The following AMH variants were observed in gnomAD, a reference collection of about 807,000 sequenced individuals.
AMH encodes anti-Mullerian hormone, also known as anti-Muellerian hormone.
AMH carries 39 observed loss-of-function variants against 33.3 expected under a neutral mutation model. That is an observed-to-expected ratio of 1.17 (90% CI 0.91 to 1.53). AMH has a LOEUF of 1.53. Ranked by LOEUF, AMH falls within the 40% of genes most tolerant of loss-of-function variation. The pLI is 0.00. For synonymous variants in AMH, 536 were observed against 403.0 expected (o/e 1.33, Z -3.95); for missense variants, 1,019 against 799.8 (o/e 1.27, Z -3.30).
Position 2,250,478 on chromosome 19 carries a change from A to G in AMH, c.554A>G (p.Gln185Arg). 1 of 1,548,110 alleles carries G rather than the reference A, an allele frequency of 6.5e-7. No individual in the cohort carries two copies. Among genetic ancestry groups the G allele is most frequent in the Non-Finnish European group, 8.7e-7 (1 of 1,147,188 alleles). The change falls in exon 2 of 5, where the codon CAG (glutamine) becomes CGG (arginine). Residue 185 changes from glutamine to arginine, a missense_variant and splice_region_variant. Coordinates refer to ENST00000221496, the MANE Select transcript of AMH (RefSeq NM_000479.5). Reference sequence around the variant, plus strand: ...ACGAGGGCTGGGCTGCCGGGTGCCCAGGTACCAGGGAGTTGCATGGGGCAG... The same window carrying G: ...ACGAGGGCTGGGCTGCCGGGTGCCCGGGTACCAGGGAGTTGCATGGGGCAG... ...TVTRAGLPGA[Q>R]SLCPSRDTRY...
Position 2,250,661 on chromosome 19 carries a change from C to T in AMH, c.565C>T (p.Pro189Ser). The T allele has an allele frequency of 1.3e-6, 2 of 1,539,422 alleles. No individual in the cohort carries two copies. The highest frequency in any genetic ancestry group is 1.7e-6 in the Non-Finnish European group (2 of 1,147,056). The change falls in exon 3 of 5, where the codon CCC becomes TCC. Residue 189 changes from proline to serine, a missense_variant. Pro to Ser is a moderately conservative substitution (Grantham distance 74). Transcript: ENST00000221496. ...AGLPGAQSLC[P>S]SRDTRYLVLA... ...GCCCTGGTCTCCGCAGAGCCTCTGCCCCTCCCGAGACACCCGCTACCTGGT... is the reference window on the plus strand; with the variant it reads ...GCCCTGGTCTCCGCAGAGCCTCTGCTCCTCCCGAGACACCCGCTACCTGGT...
At position 2,249,686 on chromosome 19, in the gene AMH, G is replaced by A. The variant is rs763864159; in HGVS notation, c.354G>A (p.Leu118=). The change falls in exon 1 of 5, where the codon CTG becomes CTA. Residue 118 remains leucine (L), a synonymous_variant. Transcript: ENST00000221496. Reference sequence around the variant, plus strand: ...CTGCCTTGCCCTCTCTACGGCGGCTGGGGGCCTGGCTGCGGGACCCTGGGG... The same window carrying A: ...CTGCCTTGCCCTCTCTACGGCGGCTAGGGGCCTGGCTGCGGGACCCTGGGG... The part of the protein sequence containing the change: ...RQAALPSLRR[L]GAWLRDPGGQ... 2 of 1,502,612 alleles carry A rather than the reference G, an allele frequency of 1.3e-6. No homozygotes were observed. The highest frequency in any genetic ancestry group is 2.3e-5 in the Admixed American group (1 of 43,700). 93.1% of individuals were successfully genotyped at this position (1,502,612 alleles called of 1,614,324 possible).
rs1283106869 is a variant in AMH, at chr19:2,251,868, G to C, written c.1594G>C (p.Ala532Pro). 6.3e-7 allele frequency: 1 copy of C among 1,588,330 alleles called. No homozygotes were observed. The highest frequency in any genetic ancestry group is 8.5e-7 in the Non-Finnish European group (1 of 1,173,988). ...RPPCCVPTAYAGKLLISLSEE... is the reference protein window; with the variant it reads ...RPPCCVPTAYPGKLLISLSEE... ...ACCCTGCTGCGTGCCCACCGCCTAC[G>C]CGGGCAAGCTGCTCATCAGCCTGTC... Residue 532 changes from alanine (A) to proline (P), a missense_variant, in exon 5 of 5, where the codon GCG (alanine) becomes CCG (proline). Coordinates refer to ENST00000221496, the MANE Select transcript of AMH (RefSeq NM_000479.5).
chr19:2,252,040 G>T lies in AMH; in HGVS notation c.*83G>T. ...CTTCCCATATTTATTCGGACCCCAAGCATCGCCCCAATAAAGACCAGCAAG... is the reference window on the plus strand; with the variant it reads ...CTTCCCATATTTATTCGGACCCCAATCATCGCCCCAATAAAGACCAGCAAG... On this transcript the variant is annotated 3_prime_UTR_variant, in exon 5 of 5. Transcript: ENST00000221496. 1 of 1,512,562 alleles carries T rather than the reference G, an allele frequency of 6.6e-7. No homozygotes were observed. Among genetic ancestry groups the T allele is most frequent in the South Asian group, 1.2e-5 (1 of 82,930 alleles). The allele number at this position is 1,512,562 out of a possible 1,614,324, so 93.7% of individuals were successfully genotyped here.
chr19:2,249,877 G>A, intron 1 of AMH, 133 bp downstream of exon 1: 1 of 1,110,864 alleles, frequency 9.0e-7, no homozygotes, highest in Non-Finnish European at 1.2e-6. Context: ...CTAGGACTGG[G>A]TTGCGGGTCC....
In AMH at chr19:2,251,434, C is replaced by T; in HGVS notation, c.1160C>T (p.Ala387Val). Residue 387 changes from alanine (A) to valine (V), a missense_variant, in exon 5 of 5, where the codon GCT becomes GTT. Physicochemically the swap from Ala to Val is moderately conservative, Grantham distance 64. Transcript: ENST00000221496. ...GTGGCTGCTGAACTGCAAGCGGCGGCTGCCGAGCTGCGAAGCCTCCCGGGT... is the reference window on the plus strand; with the variant it reads ...GTGGCTGCTGAACTGCAAGCGGCGGTTGCCGAGCTGCGAAGCCTCCCGGGT... ...RRVAAELQAA[A>V]AELRSLPGLP... 2.8e-6 allele frequency: 4 copies of T among 1,438,892 alleles called. No individual in the cohort carries two copies. Among genetic ancestry groups the T allele is most frequent in the African/African-American group, 1.5e-5 (1 of 67,166 alleles). 89.1% of individuals were successfully genotyped at this position (1,438,892 alleles called of 1,614,324 possible).
Position 2,251,818 on chromosome 19 carries a change from T to C in AMH, c.1544T>C (p.Val515Ala), listed in dbSNP as rs10417628. The change falls in exon 5 of 5, where the codon GTC becomes GCC. Residue 515 changes from valine (V) to alanine (A), a missense_variant. Val to Ala is a moderately conservative substitution (Grantham distance 64). Transcript: ENST00000221496. ...NHVVLLLKMQ[V>A]RGAALARPPC... ...GTGGTGCTGCTGCTGAAGATGCAGG[T>C]CCGTGGGGCCGCCCTGGCGCGCCCA... 1,571,294 of 1,605,858 alleles carry C rather than the reference T, an allele frequency of 0.98. 768,844 individuals carry two copies. Among genetic ancestry groups the C allele is most frequent in the East Asian group, 1 (44,781 of 44,786 alleles).
intron 1 of AMH, 155 bp from the exon 2 acceptor site, chr19:2,250,182 C>A (rs571605589): frequency 2.4e-5 from 31 of 1,292,250 alleles, no homozygotes; most frequent in Admixed American, 1.8e-4. Flanking sequence ...CTGCCGTCAC[C>A]GCTCCCTGGC....
chr19:2,250,004 C>T lies in AMH; in HGVS notation c.412+260C>T, dbSNP rs190647736. On this transcript the variant is annotated intron_variant, in intron 1 of 4. Transcript: ENST00000221496. ...GCCTTCTCCCCACCCCTGAAGACGACGCAGGGCTCGGGGCCAGTGGAACCC... is the reference window on the plus strand; with the variant it reads ...GCCTTCTCCCCACCCCTGAAGACGATGCAGGGCTCGGGGCCAGTGGAACCC... The T allele has an allele frequency of 1.2e-3, 751 of 611,282 alleles. 17 individuals are homozygous for T. In the East Asian group the frequency reaches 0.019, roughly 15 times the overall value. 37.9% of individuals were successfully genotyped at this position (611,282 alleles called of 1,614,324 possible).
At chr19:2,250,115 C>T in intron 1 of AMH, 1 of 730,638 alleles carries the variant, frequency 1.4e-6, no homozygotes, top group Admixed American at 2.5e-5. Context: ...CACCCCAACC[C>T]AGAGACCCCA....
In AMH at chr19:2,251,515, G is replaced by T. The variant is rs1568394742; in HGVS notation, c.1241G>T (p.Gly414Val). Residue 414 changes from glycine (G) to valine (V), a missense_variant, in exon 5 of 5, where the codon GGC (glycine) becomes GTC (valine). Gly to Val is a moderately radical substitution (Grantham distance 109, BLOSUM62 -3). Coordinates refer to ENST00000221496, the MANE Select transcript of AMH (RefSeq NM_000479.5). ...CGCCTGCTCGCGCTCTGCCCAGGTG[G>T]CCCCGGCGGCCTCGGCGATCCCCTG... ...LARLLALCPG[G>V]PGGLGDPLRA... The T allele has an allele frequency of 7.5e-6, 10 of 1,340,324 alleles. No homozygotes were observed. Among genetic ancestry groups the T allele is most frequent in the Non-Finnish European group, 9.5e-6 (10 of 1,048,638 alleles). 83.0% of individuals were successfully genotyped at this position (1,340,324 alleles called of 1,614,324 possible).
In AMH at chr19:2,251,097, A is replaced by G. The variant is rs779568794; in HGVS notation, c.825-2A>G. 6.5e-7 allele frequency: 1 copy of G among 1,541,818 alleles called. No individual in the cohort carries two copies. The highest frequency in any genetic ancestry group is 1.2e-5 in the South Asian group (1 of 84,098). On this transcript the variant is annotated splice_acceptor_variant, in intron 4 of 4. Coordinates refer to ENST00000221496, the MANE Select transcript of AMH (RefSeq NM_000479.5). LOFTEE classifies it high-confidence loss of function. Reference sequence around the variant, plus strand: ...CTCAACTCCTCCAATTGCGGGTTCCAGGCCATCCGCGGAACTCGAGGAGTC... The same window carrying G: ...CTCAACTCCTCCAATTGCGGGTTCCGGGCCATCCGCGGAACTCGAGGAGTC...
chr19:2,250,084 C>T (rs779099858), intron 1 of AMH: 19 of 646,172 alleles, frequency 2.9e-5, no homozygotes, highest in South Asian at 7.5e-5. Context: ...ATACTCCCTG[C>T]GGGGAAGGGG....
Position 2,251,238 on chromosome 19 carries a change from G to A in AMH, c.964G>A (p.Gly322Ser). The A allele has an allele frequency of 6.7e-7, 1 of 1,502,556 alleles. No individual in the cohort carries two copies. The allele number at this position is 1,502,556 out of a possible 1,614,324, so 93.1% of individuals were successfully genotyped here. A position where few individuals can be genotyped will look rare whatever the true frequency, so the allele number is the denominator to read the frequency against. The change falls in exon 5 of 5, where the codon GGC (glycine) becomes AGC (serine). Residue 322 changes from glycine to serine, a missense_variant. Gly to Ser is a moderately conservative substitution (Grantham distance 56). Coordinates refer to ENST00000221496, the MANE Select transcript of AMH (RefSeq NM_000479.5). ...RLALDPDALA[G>S]FPQGLVNLSD... is the part of the protein sequence containing the mutation. ...GGCCCTGGATCCGGACGCGCTGGCC[G>A]GCTTCCCGCAGGGCCTAGTCAACCT... is the stretch of plus-strand genomic sequence containing the variant.
rs529706314 is a variant in AMH at position 2,250,461 on chromosome 19, T to C, written c.537T>C (p.Ala179=). ...GPGPEVTVTR[A]GLPGAQSLCP... ...GCCCTGAGGTCACTGTGACGAGGGC[T>C]GGGCTGCCGGGTGCCCAGGTACCAG... is the stretch of plus-strand genomic sequence containing the variant. Residue 179 remains alanine (A), a synonymous_variant, in exon 2 of 5, where the codon GCT becomes GCC. Coordinates refer to ENST00000221496, the MANE Select transcript of AMH (RefSeq NM_000479.5). The C allele has an allele frequency of 3.5e-5, 54 of 1,550,312 alleles. No homozygotes were observed. The East Asian group carries it at 1.0e-3, about 29-fold the overall frequency.
At chr19:2,251,050 G>GA in intron 4 of AMH, 42 bp downstream of exon 4, 1 of 1,527,814 alleles carries the variant, frequency 6.5e-7, no homozygotes, top group Non-Finnish European at 8.7e-7. Flanking sequence ...GCGGGCGGGG[G>GA]CGGCGTGGCC....
In AMH at chr19:2,251,912, G is replaced by A. The variant is rs1443809371; in HGVS notation, c.1638G>A (p.Ala546=). The change falls in exon 5 of 5, where the codon GCG becomes GCA. Residue 546 remains alanine (A), a synonymous_variant. Coordinates refer to ENST00000221496, the MANE Select transcript of AMH (RefSeq NM_000479.5). ...LISLSEERIS[A]HHVPNMVATE... ...GCCTGTCGGAGGAGCGCATCAGCGC[G>A]CACCACGTGCCCAACATGGTGGCCA... 6.4e-7 allele frequency: 1 copy of A among 1,560,022 alleles called. No individual in the cohort carries two copies. The highest frequency in any genetic ancestry group is 8.6e-7 in the Non-Finnish European group (1 of 1,161,306).
rs546498783 is a variant in AMH, at chr19:2,250,176, C to T, written c.413-161C>T. On this transcript the variant is annotated intron_variant, in intron 1 of 4. Coordinates refer to ENST00000221496, the MANE Select transcript of AMH (RefSeq NM_000479.5). ...AGACGCAGCCCCTGCCTGCCCCTGCCGTCACCGCTCCCTGGCTGCAGGAAG... is the reference window on the plus strand; with the variant it reads ...AGACGCAGCCCCTGCCTGCCCCTGCTGTCACCGCTCCCTGGCTGCAGGAAG... 4.6e-3 allele frequency: 5,604 copies of T among 1,229,534 alleles called. 38 individuals are homozygous for T. Among genetic ancestry groups the T allele is most frequent in the Non-Finnish European group, 4.6e-3 (4,030 of 875,170 alleles). The allele number at this position is 1,229,534 out of a possible 1,614,324, so 76.2% of individuals were successfully genotyped here.
At position 2,250,693 on chromosome 19, in the gene AMH, G is replaced by T. The variant is rs533710645; in HGVS notation, c.597G>T (p.Ala199=). The change falls in exon 3 of 5, where the codon GCG becomes GCT. Residue 199 remains alanine, a synonymous_variant. Transcript: ENST00000221496. The part of the protein sequence containing the change: ...PSRDTRYLVL[A]VDRPAGAWRG... ...GAGACACCCGCTACCTGGTGTTAGC[G>T]GTGGACCGCCCTGCGGGGGCCTGGC... 49 of 1,539,608 alleles carry T rather than the reference G, an allele frequency of 3.2e-5. No homozygotes were observed. The African/African-American group carries it at 5.2e-4, about 16-fold the overall frequency.
Sources: gnomAD v4.1 joint callset for allele counts on GRCh38, gnomAD v4.1.1 for gene constraint, MANE v1.5 for transcripts, NCBI Gene and HGNC (gene_info 2026-07-23, HGNC 2026-07-21) for gene names.